The following ACTR10 variants were observed in gnomAD, a reference collection of about 807,000 sequenced individuals.
ACTR10 encodes actin-related protein 10.
ACTR10 carries 43 observed loss-of-function variants against 56.2 expected under a neutral mutation model. The ratio of observed to expected loss-of-function variants is 0.77; its 90% confidence interval spans 0.60 to 0.99. ACTR10 has a LOEUF of 0.99. ACTR10 is among the 50% of genes least tolerant of loss of function. The probability of loss-of-function intolerance (pLI) is 0.00; values close to 1 mark genes in which losing one functional copy is unlikely to be tolerated. For missense variants in ACTR10, 466 were observed against 507.8 expected (o/e 0.92, Z 0.79); for synonymous variants, 170 against 176.3 (o/e 0.96, Z 0.28).
At chr14:58,233,705 A>G (rs147524211) in intron 12 of ACTR10, among the ~76,000 whole-genome samples, 1,616 of 152,322 alleles carry the variant, frequency 0.011, 16 homozygotes, top group Non-Finnish European at 0.018. Flanking sequence ...TTGAAGGGAA[A>G]AACAATCATG....
At position 58,215,291 on chromosome 14, in the gene ACTR10, T is replaced by A. The variant is rs1232204437; in HGVS notation, c.598+7T>A. 6.3e-7 allele frequency: 1 copy of A among 1,592,078 alleles called. No homozygotes were observed. The highest frequency in any genetic ancestry group is 8.6e-7 in the Non-Finnish European group (1 of 1,162,574). On this transcript the variant is annotated splice_region_variant and intron_variant, in intron 7 of 12. Coordinates refer to ENST00000254286, the MANE Select transcript of ACTR10 (RefSeq NM_018477.3). The stretch of plus-strand genomic sequence containing the variant: ...AGCCTTCCCTCAGTGATGGGTAAAT[T>A]CATTTTAAGTGGTTTAGGAGTGGTT...
intron 10 of ACTR10, among the ~76,000 whole-genome samples, chr14:58,228,729 A>G (rs1889462416): frequency 3.0e-5 from 3 of 100,812 alleles, no homozygotes; most frequent in African/African-American, 7.7e-5. Context: ...TAAAGAGATG[A>G]GGTCTCACTG....
chr14:58,200,207 G>A lies in ACTR10; in HGVS notation c.-11G>A, dbSNP rs1446862506. The A allele has an allele frequency of 1.3e-6, 2 of 1,529,460 alleles. No homozygotes were observed. The highest frequency in any genetic ancestry group is 1.4e-5 in the African/African-American group (1 of 69,976). The allele number at this position is 1,529,460 out of a possible 1,614,324, so 94.7% of individuals were successfully genotyped here. On this transcript the variant is annotated 5_prime_UTR_variant, in exon 1 of 13. Transcript: ENST00000254286. ...GACTGCGACCCTCTTCTCTCAGTCT[G>A]CCTTACTACCATGCCGCTCTACGAG...
intron 1 of ACTR10, 69 bp from the exon 2 acceptor site, chr14:58,202,786 A>G: frequency 9.0e-7 from 1 of 1,117,308 alleles, no homozygotes; most frequent in Non-Finnish European, 1.3e-6. Flanking sequence ...AAATACAGAG[A>G]AAATTAGTTT....
At chr14:58,223,924 T>C in intron 10 of ACTR10, 68 bp downstream of exon 10, 2 of 1,189,522 alleles carry the variant, frequency 1.7e-6, no homozygotes, top group Non-Finnish European at 2.4e-6. Context: ...AAAATATTTG[T>C]ATGAGCCTTT....
chr14:58,210,902 T>A (rs1416965945), intron 4 of ACTR10, among the ~76,000 whole-genome samples: 2 of 152,186 alleles, frequency 1.3e-5, no homozygotes, highest in Non-Finnish European at 2.9e-5. Context: ...TTCGAACTCC[T>A]GACCTCGGGT....
At chr14:58,214,114 G>A (rs1244251377) in intron 6 of ACTR10, among the ~76,000 whole-genome samples, 1 of 152,122 alleles carries the variant, frequency 6.6e-6, no homozygotes, top group Admixed American at 6.6e-5. Context: ...AGGTCTTACT[G>A]TTTCTATTTT....
At chr14:58,201,003 T>A (rs187683341) in intron 1 of ACTR10, among the ~76,000 whole-genome samples, 27 of 152,348 alleles carry the variant, frequency 1.8e-4, no homozygotes, top group African/African-American at 5.1e-4. Flanking sequence ...ACAATCAATG[T>A]GGTCCTGGGA....
At chr14:58,226,830 C>G (rs908334018) in intron 10 of ACTR10, among the ~76,000 whole-genome samples, 4 of 152,092 alleles carry the variant, frequency 2.6e-5, no homozygotes, top group Non-Finnish European at 5.9e-5. Flanking sequence ...GAACTCCCGA[C>G]CTCAGGTGAT....
At chr14:58,204,437 G>A (rs1314302369) in intron 2 of ACTR10, among the ~76,000 whole-genome samples, 1 of 152,130 alleles carries the variant, frequency 6.6e-6, no homozygotes, top group African/African-American at 2.4e-5. Context: ...GTAGTCCCCA[G>A]CTACTTGGGA....
chr14:58,206,380 G>A (rs1261027220), intron 2 of ACTR10, among the ~76,000 whole-genome samples: 4 of 150,852 alleles, frequency 2.7e-5, no homozygotes, highest in Non-Finnish European at 4.4e-5. Flanking sequence ...ACGGGGTTTC[G>A]CCGTGTTGGC....
At chr14:58,227,018 T>TA (rs1482457109) in intron 10 of ACTR10, among the ~76,000 whole-genome samples, 1 of 152,218 alleles carries the variant, frequency 6.6e-6, no homozygotes, top group African/African-American at 2.4e-5. Context: ...AGGACCATTA[T>TA]AAAAAATCGT....
chr14:58,201,117 A>G (rs1594801109), intron 1 of ACTR10, among the ~76,000 whole-genome samples: 2 of 152,330 alleles, frequency 1.3e-5, no homozygotes, highest in African/African-American at 2.4e-5. Context: ...AAATCTTTTT[A>G]TATCTCTAGG....
chr14:58,201,500 G>A (rs903484107), intron 1 of ACTR10, among the ~76,000 whole-genome samples: 5 of 152,320 alleles, frequency 3.3e-5, no homozygotes, highest in African/African-American at 4.8e-5. Flanking sequence ...ACTGATGCAA[G>A]TAAACATGGA....
chr14:58,215,925 C>G (rs986193776), intron 7 of ACTR10, among the ~76,000 whole-genome samples: 20 of 151,712 alleles, frequency 1.3e-4, no homozygotes, highest in African/African-American at 4.8e-4. Flanking sequence ...TGGAAGTTAG[C>G]CTTTCAATTC....
intron 7 of ACTR10, among the ~76,000 whole-genome samples, chr14:58,215,659 A>G (rs986224908): frequency 1.3e-5 from 2 of 151,460 alleles, no homozygotes; most frequent in Non-Finnish European, 1.5e-5. Context: ...CTTTTTCTCT[A>G]CTGGCTTTTT....
intron 12 of ACTR10, among the ~76,000 whole-genome samples, chr14:58,233,744 T>C (rs528133209): frequency 6.6e-6 from 1 of 152,334 alleles, no homozygotes; most frequent in African/African-American, 2.4e-5. Flanking sequence ...GGTTCTGATA[T>C]GTGTTTTATG....
chr14:58,203,746 A>C (rs765916802), intron 2 of ACTR10, among the ~76,000 whole-genome samples: 82 of 152,318 alleles, frequency 5.4e-4, no homozygotes, highest in Middle Eastern at 3.4e-3. Context: ...AAACTTTCAA[A>C]AAGTTTCTTG....
Position 58,200,271 on chromosome 14 carries a change from C to A in ACTR10, c.54C>A (p.Ile18=). 1 of 1,514,284 alleles carries A rather than the reference C, an allele frequency of 6.6e-7. No homozygotes were observed. The highest frequency in any genetic ancestry group is 1.3e-5 in the South Asian group (1 of 79,492). The allele number at this position is 1,514,284 out of a possible 1,614,324, so 93.8% of individuals were successfully genotyped here. A position where few individuals can be genotyped will look rare whatever the true frequency, so the allele number is the denominator to read the frequency against. The change falls in exon 1 of 13, where the codon ATC becomes ATA. Residue 18 remains isoleucine (I), a synonymous_variant. Transcript: ENST00000254286. The part of the protein sequence containing the change: ...GSGGEKTAVV[I]DLGEAFTKCG... ...GCGGGGAGAAGACGGCGGTCGTGATCGACCTGGGAGAGGCCTTTACCAAGT... is the reference window on the plus strand; with the variant it reads ...GCGGGGAGAAGACGGCGGTCGTGATAGACCTGGGAGAGGCCTTTACCAAGT...
Sources: allele counts gnomAD v4.1 joint callset (sites outside exome capture counted in the v4.1 genomes callset), GRCh38; gene constraint gnomAD v4.1.1; transcripts MANE v1.5; gene names NCBI Gene and HGNC (gene_info 2026-07-23, HGNC 2026-07-21).